KCNIP4: variants seen among roughly 807,000 people sequenced by gnomAD.
KCNIP4 encodes the protein potassium voltage-gated channel interacting protein 4.
Under a neutral mutation model 34.0 loss-of-function variants are expected in KCNIP4, and 12 were observed. That is an observed-to-expected ratio of 0.35 (90% CI 0.23 to 0.57). The LOEUF (loss-of-function observed/expected upper bound fraction) is 0.57. Ranked by LOEUF, KCNIP4 falls within the 20% of genes least tolerant of loss-of-function variation. The pLI is 0.83. For synonymous variants in KCNIP4, 124 were observed against 102.2 expected (o/e 1.21, Z -1.29); for missense variants, 238 against 311.7 (o/e 0.76, Z 1.78).
At chr4:20,843,317 C>T (rs1469401302) in intron 3 of KCNIP4, among the ~76,000 whole-genome samples, 2 of 152,170 alleles carry the variant, frequency 1.3e-5, no homozygotes, top group Non-Finnish European at 2.9e-5. Flanking sequence ...AGAAAACTAA[C>T]AGTAGTTACC....
chr4:21,202,797 GT>G (rs1223046384), intron 1 of KCNIP4, among the ~76,000 whole-genome samples: 2 of 152,106 alleles, frequency 1.3e-5, no homozygotes, highest in Non-Finnish European at 2.9e-5. Flanking sequence ...GGCAGGGTAG[GT>G]ATCCTGCTGG....
intron 1 of KCNIP4, among the ~76,000 whole-genome samples, chr4:21,387,957 A>T (rs1722180753): frequency 2.6e-5 from 4 of 152,162 alleles, no homozygotes; most frequent in Admixed American, 2.6e-4. Context: ...CGTCAGGGAC[A>T]GCTCAGAGAG....
At chr4:21,082,349 C>T (rs10017733) in intron 1 of KCNIP4, among the ~76,000 whole-genome samples, 3,598 of 151,786 alleles carry the variant, frequency 0.024, 189 homozygotes, top group African/African-American at 0.081. Context: ...AAGAAAGCTA[C>T]TAGGAGCAAG....
At chr4:21,125,637 C>T (rs934718203) in intron 1 of KCNIP4, among the ~76,000 whole-genome samples, 1 of 152,074 alleles carries the variant, frequency 6.6e-6, no homozygotes, top group Non-Finnish European at 1.5e-5. Context: ...ACGTTGGGAA[C>T]CAGTGCAACA....
At chr4:21,061,222 C>T (rs1161998095) in intron 1 of KCNIP4, among the ~76,000 whole-genome samples, 1 of 151,938 alleles carries the variant, frequency 6.6e-6, no homozygotes, top group Non-Finnish European at 1.5e-5. Flanking sequence ...AACACATGCC[C>T]ATCTGAAAAT....
chr4:20,802,174 C>CTA (rs746816500), intron 3 of KCNIP4, among the ~76,000 whole-genome samples: 3 of 121,130 alleles, frequency 2.5e-5, no homozygotes, highest in Non-Finnish European at 3.4e-5. Context: ...GCTATATATG[C>CTA]TATATATATG....
chr4:21,250,878 T>C (rs1760649812), intron 1 of KCNIP4, among the ~76,000 whole-genome samples: 1 of 150,288 alleles, frequency 6.7e-6, no homozygotes, highest in Admixed American at 6.7e-5. Flanking sequence ...ATATATGTAA[T>C]ATAAATATAT....
chr4:21,347,942 C>T (rs752867789), intron 1 of KCNIP4, among the ~76,000 whole-genome samples: 28 of 152,150 alleles, frequency 1.8e-4, no homozygotes, highest in South Asian at 1.7e-3. Flanking sequence ...CCACTGGGCA[C>T]ACAGCAATAA....
At chr4:21,769,756 C>T (rs1202579753) in intron 1 of KCNIP4, among the ~76,000 whole-genome samples, 1 of 152,014 alleles carries the variant, frequency 6.6e-6, no homozygotes, top group Non-Finnish European at 1.5e-5. Flanking sequence ...TAAGGAATCC[C>T]TTATTATGTC....
intron 1 of KCNIP4, among the ~76,000 whole-genome samples, chr4:21,117,413 G>T (rs1198698939): frequency 6.7e-6 from 1 of 148,808 alleles, no homozygotes; most frequent in Non-Finnish European, 1.5e-5. Flanking sequence ...ATGGACAATT[G>T]AATGCATTAA....
chr4:21,577,713 A>C (rs1456733820), intron 1 of KCNIP4, among the ~76,000 whole-genome samples: 2 of 152,064 alleles, frequency 1.3e-5, no homozygotes, highest in African/African-American at 4.8e-5. Flanking sequence ...ATGCCGTTGC[A>C]CACTCTGCTT....
At chr4:21,831,944 G>T (rs1723013624) in intron 1 of KCNIP4, among the ~76,000 whole-genome samples, 2 of 151,900 alleles carry the variant, frequency 1.3e-5, no homozygotes, top group African/African-American at 2.4e-5. Context: ...ACATTAAAAA[G>T]ATCATATACC....
chr4:20,974,201 A>G (rs1267629329), intron 1 of KCNIP4, among the ~76,000 whole-genome samples: 1 of 152,202 alleles, frequency 6.6e-6, no homozygotes, highest in African/African-American at 2.4e-5. Context: ...CACACTCCTT[A>G]TAGCTCTGGA....
chr4:21,715,800 G>A (rs2109086929), intron 1 of KCNIP4, among the ~76,000 whole-genome samples: 1 of 152,160 alleles, frequency 6.6e-6, no homozygotes, highest in African/African-American at 2.4e-5. Context: ...AAATTAATTT[G>A]CTTTCTTCCT....
At chr4:21,225,223 C>T (rs956539484) in intron 1 of KCNIP4, among the ~76,000 whole-genome samples, 4 of 152,226 alleles carry the variant, frequency 2.6e-5, no homozygotes, top group Admixed American at 2.0e-4. Flanking sequence ...CTTTATCCAC[C>T]TCAGGTATTC....
At chr4:21,105,011 T>C (rs78190385) in intron 1 of KCNIP4, among the ~76,000 whole-genome samples, 42,819 of 151,544 alleles carry the variant, frequency 0.28, 6,940 homozygotes, top group African/African-American at 0.41. Context: ...TGTAGTATAG[T>C]CTGAAGTCAG....
chr4:20,877,284 G>C (rs781095846), intron 2 of KCNIP4, among the ~76,000 whole-genome samples: 1 of 152,100 alleles, frequency 6.6e-6, no homozygotes, highest in Admixed American at 6.5e-5. Flanking sequence ...CCTAGAAATC[G>C]TAACTTTCGT....
Position 20,729,349 on chromosome 4 carries a change from C to T in KCNIP4, c.*733G>A, listed in dbSNP as rs1041335766. On this transcript the variant is annotated 3_prime_UTR_variant, in exon 9 of 9. Transcript: ENST00000382152. The stretch of plus-strand genomic sequence containing the variant: ...TAATGATTGATACAATAGAAAACAG[C>T]CTGTAAGAAAGATTGAACAAATCCA... The T allele has an allele frequency of 2.0e-5, 3 of 151,382 alleles. No homozygotes were observed. The highest frequency in any genetic ancestry group is 7.3e-5 in the African/African-American group (3 of 41,294). 9.4% of individuals were successfully genotyped at this position (151,382 alleles called of 1,614,324 possible).
Position 21,506,308 on chromosome 4 carries a change from G to A in KCNIP4, c.61+442263C>T, listed in dbSNP as rs1418791419. Among the ~76,000 whole-genome samples, 3 of 152,124 alleles carry A rather than the reference G, an allele frequency of 2.0e-5. No homozygotes were observed. The East Asian group carries it at 5.8e-4, about 29-fold the overall frequency. ...TGACTCTTCCTCTTCATAGCCACCTGACATTGGAGAAGGCATTCAGTTATC... is the reference window on the plus strand; with the variant it reads ...TGACTCTTCCTCTTCATAGCCACCTAACATTGGAGAAGGCATTCAGTTATC... On this transcript the variant is annotated intron_variant, in intron 1 of 8. Coordinates refer to ENST00000382152, the MANE Select transcript of KCNIP4 (RefSeq NM_025221.6).
Sources: allele counts gnomAD v4.1 joint callset (sites outside exome capture counted in the v4.1 genomes callset), GRCh38; gene constraint gnomAD v4.1.1; transcripts MANE v1.5; gene names NCBI Gene and HGNC (gene_info 2026-07-23, HGNC 2026-07-21).